The following ZFAND3 variants were observed in gnomAD, a reference collection of about 807,000 sequenced individuals.
ZFAND3 encodes the protein AN1-type zinc finger protein 3.
Under a neutral mutation model 29.6 loss-of-function variants are expected in ZFAND3, and 10 were observed. The observed-to-expected ratio is 0.34, with a 90% CI of 0.21 to 0.57. ZFAND3 has a LOEUF of 0.57. ZFAND3 is among the 20% of genes least tolerant of loss of function. The pLI is 0.86. For synonymous variants in ZFAND3, 128 were observed against 112.6 expected (o/e 1.14, Z -0.87); for missense variants, 230 against 304.5 (o/e 0.76, Z 1.82).
intron 1 of ZFAND3, among the ~76,000 whole-genome samples, chr6:37,886,280 A>AAAAAAAAAAAAAAAAAAAAAAAAAC (rs1561922411): frequency 3.1e-5 from 4 of 128,864 alleles, no homozygotes; most frequent in African/African-American, 1.2e-4. Flanking sequence ...AAAAAAAAAA[A>AAAAAAAAAAAAAAAAAAAAAAAAAC]AGTTCAAAGA....
intron 2 of ZFAND3, among the ~76,000 whole-genome samples, chr6:38,008,282 A>G (rs978730527): frequency 1.3e-5 from 2 of 152,234 alleles, no homozygotes; most frequent in Admixed American, 6.5e-5. Context: ...ATAGCTTATA[A>G]TTAGCTTATC....
At chr6:37,835,760 A>G (rs1763956406) in intron 1 of ZFAND3, among the ~76,000 whole-genome samples, 1 of 152,106 alleles carries the variant, frequency 6.6e-6, no homozygotes, top group Non-Finnish European at 1.5e-5. Context: ...TTTAACACAA[A>G]TAGCATACGA....
intron 2 of ZFAND3, among the ~76,000 whole-genome samples, chr6:38,049,888 AC>A (rs1470627366): frequency 3.4e-5 from 1 of 29,716 alleles, no homozygotes; most frequent in African/African-American, 1.3e-4. Context: ...CCCCACCCCC[AC>A]CCCCTCCCCC....
chr6:37,972,142 T>G (rs951351963), intron 2 of ZFAND3, among the ~76,000 whole-genome samples: 1 of 152,206 alleles, frequency 6.6e-6, no homozygotes, highest in African/African-American at 2.4e-5. Context: ...TATTTTAACT[T>G]GTTTGCAATT....
chr6:38,015,271 C>G (rs1272005598), intron 2 of ZFAND3, among the ~76,000 whole-genome samples: 1 of 152,060 alleles, frequency 6.6e-6, no homozygotes, highest in South Asian at 2.1e-4. Flanking sequence ...CAAATTAAAA[C>G]AAAAATGAGG....
chr6:37,931,168 TC>T lies in ZFAND3; in HGVS notation c.112+1171del, dbSNP rs535628002. ...GCTTTCAGGTCCTTGAGAAAGACAC[TC>T]CTGAGTTGTAGGAGTACAGCTCAAA... On this transcript the variant is annotated intron_variant, in intron 2 of 5. Transcript: ENST00000287218. 2.3e-3 allele frequency among the ~76,000 whole-genome samples: 348 copies of T among 152,292 alleles called. 2 individuals carry two copies. Among genetic ancestry groups the T allele is most frequent in the African/African-American group, 7.9e-3 (330 of 41,566 alleles).
At chr6:37,841,586 C>G (rs1764076876) in intron 1 of ZFAND3, among the ~76,000 whole-genome samples, 1 of 152,292 alleles carries the variant, frequency 6.6e-6, no homozygotes. Flanking sequence ...CGGGTTCACG[C>G]CATTCCCCTG....
chr6:38,072,492 T>C (rs1470275652), intron 3 of ZFAND3, among the ~76,000 whole-genome samples: 1 of 152,228 alleles, frequency 6.6e-6, no homozygotes, highest in African/African-American at 2.4e-5. Context: ...TCTGTCCTTC[T>C]CTGTGAAAGT....
chr6:37,903,315 G>A (rs259682), intron 1 of ZFAND3, among the ~76,000 whole-genome samples: 106,218 of 152,088 alleles, frequency 0.7, 37,644 homozygotes, highest in African/African-American at 0.77. Flanking sequence ...TCTTTGACAC[G>A]TGAAATATTC....
intron 2 of ZFAND3, among the ~76,000 whole-genome samples, chr6:38,047,860 C>G (rs1274397904): frequency 6.6e-6 from 1 of 152,010 alleles, no homozygotes; most frequent in African/African-American, 2.4e-5. Flanking sequence ...TGTTATAAAG[C>G]CTGTAGATTA....
chr6:38,116,645 A>G lies in ZFAND3; in HGVS notation c.435A>G (p.Glu145=). 3 of 1,614,186 alleles carry G rather than the reference A, an allele frequency of 1.9e-6. No homozygotes were observed. Among genetic ancestry groups the G allele is most frequent in the Non-Finnish European group, 2.5e-6 (3 of 1,180,000 alleles). ...RLLENTERSE[E]TSRSKQKSRR... ...TTGAGAATACGGAACGGTCCGAGGA[A>G]ACCAGTCGATCTAAACAGAAGAGTC... is the stretch of plus-strand genomic sequence containing the variant. Residue 145 remains glutamate, a synonymous_variant, in exon 5 of 6, where the codon GAA becomes GAG. Coordinates refer to ENST00000287218, the MANE Select transcript of ZFAND3 (RefSeq NM_021943.3).
intron 2 of ZFAND3, among the ~76,000 whole-genome samples, chr6:37,930,384 G>C (rs1761572240): frequency 6.6e-6 from 1 of 152,158 alleles, no homozygotes; most frequent in African/African-American, 2.4e-5. Flanking sequence ...GAATCAAGCT[G>C]AGTTAGCCCA....
rs1165121927 is a variant in ZFAND3 at position 38,103,469 on chromosome 6, GTA to G, written c.362-13094_362-13093del. 2.2e-5 allele frequency among the ~76,000 whole-genome samples: 3 copies of G among 136,272 alleles called. 1 individual carries two copies. Among genetic ancestry groups the G allele is most frequent in the Non-Finnish European group, 4.6e-5 (3 of 65,128 alleles). 89.4% of individuals were successfully genotyped at this position (136,272 alleles called of 152,430 possible). The stretch of plus-strand genomic sequence containing the variant: ...TATATATACACACATATATACACGT[GTA>G]TATATATACACACATATATACACGT... On this transcript the variant is annotated intron_variant, in intron 4 of 5. Coordinates refer to ENST00000287218, the MANE Select transcript of ZFAND3 (RefSeq NM_021943.3).
chr6:37,953,441 CTTT>C (rs35182018), intron 2 of ZFAND3, among the ~76,000 whole-genome samples: 9 of 106,206 alleles, frequency 8.5e-5, no homozygotes, highest in Non-Finnish European at 1.1e-4. Flanking sequence ...GCATAATTAT[CTTT>C]TTTTTTTTTT....
chr6:38,027,213 TG>T (rs1466430367), intron 2 of ZFAND3, among the ~76,000 whole-genome samples: 2 of 152,234 alleles, frequency 1.3e-5, no homozygotes, highest in Non-Finnish European at 2.9e-5. Context: ...GTGATTTTCT[TG>T]CGTGACATCC....
chr6:37,949,581 C>T (rs1275193382), intron 2 of ZFAND3, among the ~76,000 whole-genome samples: 8 of 152,142 alleles, frequency 5.3e-5, no homozygotes, highest in Admixed American at 3.9e-4. Flanking sequence ...CCCAGGTTTC[C>T]GGAACTTCTG....
At chr6:38,115,554 G>A (rs1765399402) in intron 4 of ZFAND3, among the ~76,000 whole-genome samples, 4 of 152,184 alleles carry the variant, frequency 2.6e-5, no homozygotes, top group Admixed American at 2.6e-4. Context: ...TGATGAGTTG[G>A]TAATGGCTTA....
At chr6:38,080,896 T>C (rs529352620) in intron 3 of ZFAND3, among the ~76,000 whole-genome samples, 2 of 152,338 alleles carry the variant, frequency 1.3e-5, no homozygotes, top group African/African-American at 2.4e-5. Context: ...CATTACACTT[T>C]ATCTGGTGAA....
intron 2 of ZFAND3, among the ~76,000 whole-genome samples, chr6:38,009,686 G>C (rs1323166391): frequency 6.6e-6 from 1 of 152,054 alleles, no homozygotes; most frequent in African/African-American, 2.4e-5. Context: ...GCCAGATTAG[G>C]TCTCCTCCTT....
Sources: allele counts gnomAD v4.1 joint callset (sites outside exome capture counted in the v4.1 genomes callset), GRCh38; gene constraint gnomAD v4.1.1; transcripts MANE v1.5; gene names NCBI Gene and HGNC (gene_info 2026-07-23, HGNC 2026-07-21).